Variants in ZNF514 observed in about 807,000 individuals in gnomAD.
The protein encoded by ZNF514 is zinc finger protein 514.
In ZNF514, 12 loss-of-function variants were observed where a neutral mutation model predicts 9.7. The ratio of observed to expected loss-of-function variants is 1.24; its 90% confidence interval spans 0.79 to 2.01. The LOEUF is 2.01. Ranked by LOEUF, ZNF514 falls within the 30% of genes most tolerant of loss-of-function variation. ZNF514 has a pLI of 0.00. For missense variants in ZNF514, 467 were observed against 465.5 expected (o/e 1.00, Z -0.03); for synonymous variants, 158 against 163.7 (o/e 0.97, Z 0.27).
At chr2:95,128,902 C>T in the ZNF514 span, among the ~76,000 whole-genome samples, 6 of 152,210 alleles carry the variant, frequency 3.9e-5, no homozygotes, top group Admixed American at 2.0e-4. Context: ...AAGAAGGATC[C>T]TCCGACCCTC....
chr2:95,152,405 T>G (rs1045927496), intron 4 of ZNF514, among the ~76,000 whole-genome samples: 7 of 152,136 alleles, frequency 4.6e-5, no homozygotes, highest in African/African-American at 1.7e-4. Flanking sequence ...TAACATTGAC[T>G]GTGAGACATC....
rs1235526420 is a variant in ZNF514, at chr2:95,147,209, C to T, written c.*2073G>A. 1 of 152,146 alleles carries T rather than the reference C, an allele frequency of 6.6e-6. No individual in the cohort carries two copies. The highest frequency in any genetic ancestry group is 2.4e-5 in the African/African-American group (1 of 41,418). The allele number at this position is 152,146 out of a possible 1,614,324, so 9.4% of individuals were successfully genotyped here. On this transcript the variant is annotated 3_prime_UTR_variant, in exon 5 of 5. Coordinates refer to ENST00000295208, the MANE Select transcript of ZNF514 (RefSeq NM_032788.3). ...CAGAGCCTGACAAGGTTCTGAGACC[C>T]AGTAAATGTAGGGGTAACTGTTACA...
rs779495518 is a variant in ZNF514 at position 95,150,174 on chromosome 2, A to G, written c.311T>C (p.Ile104Thr). The G allele has an allele frequency of 6.2e-7, 1 of 1,609,746 alleles. No homozygotes were observed. The highest frequency in any genetic ancestry group is 8.5e-7 in the Non-Finnish European group (1 of 1,179,910). The change falls in exon 5 of 5, where the codon ATT becomes ACT. Residue 104 changes from isoleucine (I) to threonine (T), a missense_variant. Transcript: ENST00000295208. ...CTTCGAGAACTGCAGCACATCTTGAATGTGTTTTTCCACTGATACTACCTG... is the reference window on the plus strand; with the variant it reads ...CTTCGAGAACTGCAGCACATCTTGAGTGTGTTTTTCCACTGATACTACCTG... ...LFQVVSVEKH[I>T]QDVLQFSKLK...
downstream of ZNF514, among the ~76,000 whole-genome samples, chr2:95,141,060 T>A (rs571655485): frequency 6.6e-6 from 1 of 151,990 alleles, no homozygotes; most frequent in South Asian, 2.1e-4. Flanking sequence ...GGAGGAGGAT[T>A]AGGGATAATA....
chr2:95,124,904 CAG>C, the ZNF514 span, among the ~76,000 whole-genome samples: 2 of 151,996 alleles, frequency 1.3e-5, no homozygotes, highest in Non-Finnish European at 2.9e-5. Context: ...TTTTTTGAGA[CAG>C]AGTCTCACTC....
At chr2:95,157,309 C>T (rs1249787719) in intron 2 of ZNF514, 42 bp downstream of exon 2, 1 of 1,228,316 alleles carries the variant, frequency 8.1e-7, no homozygotes, top group Admixed American at 2.3e-5. Context: ...CAAAGCTAAC[C>T]ATCGTTCAGG....
At chr2:95,133,740 A>G in the ZNF514 span, among the ~76,000 whole-genome samples, 4 of 152,232 alleles carry the variant, frequency 2.6e-5, no homozygotes, top group Non-Finnish European at 4.4e-5. Flanking sequence ...TAAAGTCTAC[A>G]GGAGGATGTG....
rs1454566775 is a variant in ZNF514 at position 95,148,856 on chromosome 2, G to T, written c.*426C>A. Reference sequence around the variant, plus strand: ...GTTCTTGATGCTTAGTAAAGGAAGAGATACAACTGAAGATTTTTCCATACT... The same window carrying T: ...GTTCTTGATGCTTAGTAAAGGAAGATATACAACTGAAGATTTTTCCATACT... On this transcript the variant is annotated 3_prime_UTR_variant, in exon 5 of 5. Coordinates refer to ENST00000295208, the MANE Select transcript of ZNF514 (RefSeq NM_032788.3). 1 of 163,482 alleles carries T rather than the reference G, an allele frequency of 6.1e-6. No individual in the cohort carries two copies. The highest frequency in any genetic ancestry group is 2.4e-5 in the African/African-American group (1 of 41,658). The allele number at this position is 163,482 out of a possible 1,614,324, so 10.1% of individuals were successfully genotyped here.
At chr2:95,153,963 T>G (rs1308687290) in intron 2 of ZNF514, 3 of 152,216 alleles carry the variant, frequency 2.0e-5, no homozygotes, top group Non-Finnish European at 4.4e-5. Flanking sequence ...AGATACTGAT[T>G]CCACAGAAAA....
rs1405483591 is a variant in ZNF514 at position 95,148,458 on chromosome 2, C to T, written c.*824G>A. ...TCAAGTTGGAAAGGAACTTTCCTCA[C>T]ATTCATCATGTTCCCAAGGTTTCTC... On this transcript the variant is annotated 3_prime_UTR_variant, in exon 5 of 5. Coordinates refer to ENST00000295208, the MANE Select transcript of ZNF514 (RefSeq NM_032788.3). The T allele has an allele frequency of 1.3e-5, 2 of 152,268 alleles. No homozygotes were observed. Among genetic ancestry groups the T allele is most frequent in the Non-Finnish European group, 2.9e-5 (2 of 68,048 alleles). The allele number at this position is 152,268 out of a possible 1,614,324, so 9.4% of individuals were successfully genotyped here.
chr2:95,126,768 T>C, the ZNF514 span, among the ~76,000 whole-genome samples: 4 of 152,180 alleles, frequency 2.6e-5, no homozygotes, highest in Non-Finnish European at 5.9e-5. Flanking sequence ...CATTTTCTTT[T>C]TTTTTCTTTT....
At chr2:95,139,612 T>G in the ZNF514 span, among the ~76,000 whole-genome samples, 1 of 146,816 alleles carries the variant, frequency 6.8e-6, no homozygotes, top group Admixed American at 6.8e-5. Flanking sequence ...ATTTTTTTTA[T>G]TTTTTAGGCT....
At chr2:95,155,751 C>T (rs1346289128) in intron 2 of ZNF514, 1 of 152,240 alleles carries the variant, frequency 6.6e-6, no homozygotes, top group African/African-American at 2.4e-5. Context: ...GAAGCTAATA[C>T]TTCCCACTTC....
chr2:95,136,263 G>GCT, the ZNF514 span, among the ~76,000 whole-genome samples: 1 of 151,574 alleles, frequency 6.6e-6, no homozygotes, highest in African/African-American at 2.4e-5. Flanking sequence ...CATCTACAAT[G>GCT]CTTTTTTTTT....
chr2:95,126,681 C>T, the ZNF514 span, among the ~76,000 whole-genome samples: 5 of 152,190 alleles, frequency 3.3e-5, no homozygotes, highest in African/African-American at 1.2e-4. Flanking sequence ...ATGTCTTTTG[C>T]TCATTTTCTA....
rs1673463846 is a variant in ZNF514, at chr2:95,149,555, A to G, written c.930T>C (p.His310=). 1.9e-6 allele frequency: 3 copies of G among 1,613,832 alleles called. No homozygotes were observed. The highest frequency in any genetic ancestry group is 8.5e-7 in the Non-Finnish European group (1 of 1,179,960). Reference sequence around the variant, plus strand: ...GGCATTCATAGGGCTTTTCTCCAGTATGAGTCCTCTGATGCTTAATAAGGG... The same window carrying G: ...GGCATTCATAGGGCTTTTCTCCAGTGTGAGTCCTCTGATGCTTAATAAGGG... ...TSSLIKHQRT[H]TGEKPYECRE... The change falls in exon 5 of 5, where the codon CAT becomes CAC. Residue 310 remains histidine, a synonymous_variant. Transcript: ENST00000295208.
chr2:95,153,936 A>C (rs1673614768), intron 2 of ZNF514: 1 of 152,260 alleles, frequency 6.6e-6, no homozygotes, highest in Non-Finnish European at 1.5e-5. Flanking sequence ...AAAGTATTTA[A>C]AAATCAAATC....
chr2:95,140,878 G>A (rs1199192052), downstream of ZNF514, among the ~76,000 whole-genome samples: 1 of 151,906 alleles, frequency 6.6e-6, no homozygotes, highest in Admixed American at 6.6e-5. Context: ...GGGGGGCTGA[G>A]GCAGCAGAAT....
At chr2:95,153,761 C>T (rs557082918) in intron 2 of ZNF514, 1 of 152,696 alleles carries the variant, frequency 6.5e-6, no homozygotes, top group Non-Finnish European at 1.5e-5. Context: ...GATCCCAGGT[C>T]ACCATTATAA....
Sources: allele counts gnomAD v4.1 joint callset (sites outside exome capture counted in the v4.1 genomes callset), GRCh38; gene constraint gnomAD v4.1.1; transcripts MANE v1.5; gene names NCBI Gene and HGNC (gene_info 2026-07-23, HGNC 2026-07-21).